PLEKHG2: variants seen among roughly 807,000 people sequenced by gnomAD.
PLEKHG2 encodes the protein pleckstrin homology and RhoGEF domain containing G2, also known as pleckstrin homology domain-containing family G member 2.
Under a neutral mutation model 104.4 loss-of-function variants are expected in PLEKHG2, and 71 were observed. The observed-to-expected ratio is 0.68, with a 90% confidence interval of 0.56 to 0.83. The LOEUF is 0.83. PLEKHG2 is among the 40% of genes least tolerant of loss of function. The probability of loss-of-function intolerance (pLI) is 0.00; values close to 1 mark genes in which losing one functional copy is unlikely to be tolerated. For missense variants in PLEKHG2, 1,730 were observed against 1,809.4 expected (o/e 0.96, Z 0.80); for synonymous variants, 728 against 737.0 (o/e 0.99, Z 0.20).
In PLEKHG2 at chr19:39,417,889, G is replaced by T; in HGVS notation, c.883-16G>T. The T allele has an allele frequency of 6.5e-7, 1 of 1,533,936 alleles. No individual in the cohort carries two copies. On this transcript the variant is annotated splice_polypyrimidine_tract_variant and intron_variant, in intron 8 of 18. Coordinates refer to ENST00000425673, the MANE Select transcript of PLEKHG2 (RefSeq NM_022835.3). ...CTTGTCTCTGCGCCCCGGCGCACCTGGCGGGGTCCCGGCAGGAAGTGCAGC... is the reference window on the plus strand; with the variant it reads ...CTTGTCTCTGCGCCCCGGCGCACCTTGCGGGGTCCCGGCAGGAAGTGCAGC...
At position 39,423,995 on chromosome 19, in the gene PLEKHG2, T is replaced by G; in HGVS notation, c.2862T>G (p.Pro954=). ...ATGTCCAGGCTCCAGCCGCCACACC[T>G]TTGCCCAAGCAAGAAGGCCCCCTGC... is the stretch of plus-strand genomic sequence containing the variant. ...SRHVQAPAAT[P]LPKQEGPLHL... The change falls in exon 19 of 19, where the codon CCT becomes CCG. Residue 954 remains proline (P), a synonymous_variant. Transcript: ENST00000425673. 2 of 1,614,098 alleles carry G rather than the reference T, an allele frequency of 1.2e-6. No individual in the cohort carries two copies. The highest frequency in any genetic ancestry group is 1.1e-5 in the South Asian group (1 of 91,082).
At chr19:39,421,391 A>G (rs1284324309) in intron 16 of PLEKHG2, 92 bp downstream of exon 16, 6 of 1,389,098 alleles carry the variant, frequency 4.3e-6, no homozygotes, top group Non-Finnish European at 6.1e-6. Flanking sequence ...GGTCTGAATG[A>G]GAAGGGGATT....
rs1038603193 is a variant in PLEKHG2, at chr19:39,418,178, C to T, written c.1083+73C>T. The T allele has an allele frequency of 7.3e-5, 94 of 1,283,264 alleles. 1 individual carries two copies. Among genetic ancestry groups the T allele is most frequent in the Middle Eastern group, 2.8e-4 (1 of 3,562 alleles). 79.5% of individuals were successfully genotyped at this position (1,283,264 alleles called of 1,614,324 possible). ...TCCCATATACCTGTATCTGTGTGCC[C>T]GGCAGTGTGGGCCAGGGGACCCTGC... On this transcript the variant is annotated intron_variant, in intron 9 of 18. Coordinates refer to ENST00000425673, the MANE Select transcript of PLEKHG2 (RefSeq NM_022835.3).
chr19:39,419,667 G>A lies in PLEKHG2; in HGVS notation c.1263+664G>A, dbSNP rs113072009. 1.0e-2 allele frequency among the ~76,000 whole-genome samples: 1,512 copies of A among 151,534 alleles called. 21 individuals carry two copies. The highest frequency in any genetic ancestry group is 0.035 in the African/African-American group (1,450 of 41,338). On this transcript the variant is annotated intron_variant, in intron 11 of 18. Transcript: ENST00000425673. ...CCGAGGCGGGCGGATCACGAGGTCC[G>A]GAGATCGAGACCATCCTGGCTAACA...
chr19:39,421,277 C>T lies in PLEKHG2; in HGVS notation c.1487-6C>T. ...GCTTCTCTCTCTCTCATCTCTCCATCCTTAGCTAAGCCTGGATTCAAGGTA... is the reference window on the plus strand; with the variant it reads ...GCTTCTCTCTCTCTCATCTCTCCATTCTTAGCTAAGCCTGGATTCAAGGTA... On this transcript the variant is annotated splice_region_variant and splice_polypyrimidine_tract_variant and intron_variant, in intron 15 of 18. Coordinates refer to ENST00000425673, the MANE Select transcript of PLEKHG2 (RefSeq NM_022835.3). 6.2e-7 allele frequency: 1 copy of T among 1,613,820 alleles called. No individual in the cohort carries two copies. The highest frequency in any genetic ancestry group is 8.5e-7 in the Non-Finnish European group (1 of 1,179,772).
rs756412143 is a variant in PLEKHG2, at chr19:39,420,637, TCTC to T, written c.1278_1280del (p.Leu427del). Reference sequence around the variant, plus strand: ...CTCCTGTCTTTCAGGCAAAGCAAGTTCTCCTTGAAAACAGCCTGCATTGTGAGT... The same window carrying T: ...CTCCTGTCTTTCAGGCAAAGCAAGTTCTTGAAAACAGCCTGCATTGTGAGT... On this transcript the variant is annotated inframe_deletion, in exon 12 of 19. Transcript: ENST00000425673. 6.2e-7 allele frequency: 1 copy of T among 1,614,012 alleles called. No individual in the cohort carries two copies. The highest frequency in any genetic ancestry group is 8.5e-7 in the Non-Finnish European group (1 of 1,179,994).
In PLEKHG2 at chr19:39,423,454, C is replaced by T. The variant is rs201310352; in HGVS notation, c.2400C>T (p.Ser800=). The change falls in exon 18 of 19, where the codon AGC becomes AGT. Residue 800 remains serine (S), a synonymous_variant. Transcript: ENST00000425673. ...AGGATTCGGATCTGGGTGGAGACAG[C>T]GGGAGCGGGAAGGCAGGAGCCCCGA... The part of the protein sequence containing the change: ...ILEDSDLGGD[S]GSGKAGAPSS... 1.1e-4 allele frequency: 176 copies of T among 1,604,386 alleles called. No individual in the cohort carries two copies. Among genetic ancestry groups the T allele is most frequent in the Middle Eastern group, 1.7e-4 (1 of 6,028 alleles).
chr19:39,423,027 G>T lies in PLEKHG2; in HGVS notation c.1973G>T (p.Ser658Ile). ...ATTCCCGAAGGTTCTCGCCTTCCTA[G>T]TCTCTCTGACATTTCCGATGTTTTT... ...CEIPEGSRLP[S>I]LSDISDVFEM... The change falls in exon 18 of 19, where the codon AGT (serine) becomes ATT (isoleucine). Residue 658 changes from serine (S) to isoleucine (I), a missense_variant. Physicochemically the swap from Ser to Ile is moderately radical, Grantham distance 142 (BLOSUM62 -2). Transcript: ENST00000425673. The T allele has an allele frequency of 1.2e-6, 2 of 1,614,100 alleles. No homozygotes were observed. The highest frequency in any genetic ancestry group is 1.7e-6 in the Non-Finnish European group (2 of 1,180,012).
intron 2 of PLEKHG2, 92 bp from the exon 3 acceptor site, chr19:39,414,900 G>A (rs2078575846): frequency 7.2e-7 from 1 of 1,398,456 alleles, no homozygotes; most frequent in Non-Finnish European, 9.6e-7. Flanking sequence ...TGTTGGACAG[G>A]TGTGGGTGAG....
Position 39,423,717 on chromosome 19 carries a change from C to T in PLEKHG2, c.2600-16C>T. On this transcript the variant is annotated splice_polypyrimidine_tract_variant and intron_variant, in intron 18 of 18. Coordinates refer to ENST00000425673, the MANE Select transcript of PLEKHG2 (RefSeq NM_022835.3). ...CTGGAGTAGTGGTCCTGACTCGATC[C>T]TCTTTTCGCATTCAGGGCTCCTGCC... The T allele has an allele frequency of 6.2e-7, 1 of 1,600,476 alleles. No homozygotes were observed. The highest frequency in any genetic ancestry group is 8.5e-7 in the Non-Finnish European group (1 of 1,171,774).
Position 39,425,083 on chromosome 19 carries a change from C to A in PLEKHG2, c.3950C>A (p.Ser1317Tyr), listed in dbSNP as rs71356853. Residue 1317 changes from serine to tyrosine, a missense_variant, in exon 19 of 19, where the codon TCT (serine) becomes TAT (tyrosine). Coordinates refer to ENST00000425673, the MANE Select transcript of PLEKHG2 (RefSeq NM_022835.3). ...TCCTCTGCTCCCACGTCACGGGCAT[C>A]TTCGCCGCCCCCCCAGCCCCAGCCA... is the stretch of plus-strand genomic sequence containing the variant. ...SWSSAPTSRA[S>Y]SPPPQPQPPP... 4 of 1,590,132 alleles carry A rather than the reference C, an allele frequency of 2.5e-6. No individual in the cohort carries two copies. Among genetic ancestry groups the A allele is most frequent in the Admixed American group, 1.8e-5 (1 of 56,640 alleles).
At position 39,425,198 on chromosome 19, in the gene PLEKHG2, G is replaced by A. The variant is rs2078766680; in HGVS notation, c.4065G>A (p.Gln1355=). The change falls in exon 19 of 19, where the codon CAG becomes CAA. Residue 1355 remains glutamine (Q), a synonymous_variant. Coordinates refer to ENST00000425673, the MANE Select transcript of PLEKHG2 (RefSeq NM_022835.3). Reference sequence around the variant, plus strand: ...GGCGGCTGCGGCCAGCCAAGGCCCAGGTCCGGTTGAACCACCCTGCTCTCT... The same window carrying A: ...GGCGGCTGCGGCCAGCCAAGGCCCAAGTCCGGTTGAACCACCCTGCTCTCT... The part of the protein sequence containing the change: ...GGGRLRPAKA[Q]VRLNHPALLA... 8 of 1,612,200 alleles carry A rather than the reference G, an allele frequency of 5.0e-6. No individual in the cohort carries two copies. Among genetic ancestry groups the A allele is most frequent in the Non-Finnish European group, 6.8e-6 (8 of 1,179,652 alleles).
At position 39,418,898 on chromosome 19, in the gene PLEKHG2, T is replaced by C. The variant is rs751141840; in HGVS notation, c.1177-19T>C. ...GACCTCACACCTGGCCCCCTGACTCTACTCCAACCCACTCCTAGGCCAAGA... is the reference window on the plus strand; with the variant it reads ...GACCTCACACCTGGCCCCCTGACTCCACTCCAACCCACTCCTAGGCCAAGA... On this transcript the variant is annotated intron_variant, in intron 10 of 18. Coordinates refer to ENST00000425673, the MANE Select transcript of PLEKHG2 (RefSeq NM_022835.3). 6.2e-7 allele frequency: 1 copy of C among 1,605,214 alleles called. No individual in the cohort carries two copies. Among genetic ancestry groups the C allele is most frequent in the Non-Finnish European group, 8.5e-7 (1 of 1,174,044 alleles).
At chr19:39,421,814 T>A (rs1224519219) in intron 16 of PLEKHG2, 1 of 245,480 alleles carries the variant, frequency 4.1e-6, no homozygotes, top group Non-Finnish European at 7.7e-6. Flanking sequence ...ATCAGGAATT[T>A]GAGACCAGGC....
chr19:39,422,728 A>G lies in PLEKHG2; in HGVS notation c.1678-4A>G, dbSNP rs756085962. 2 of 1,518,838 alleles carry G rather than the reference A, an allele frequency of 1.3e-6. No homozygotes were observed. Among genetic ancestry groups the G allele is most frequent in the Non-Finnish European group, 1.8e-6 (2 of 1,135,746 alleles). 94.1% of individuals were successfully genotyped at this position (1,518,838 alleles called of 1,614,324 possible). A position where few individuals can be genotyped will look rare whatever the true frequency, so the allele number is the denominator to read the frequency against. ...TTTGGCTTGTTCTCCTGTGCCCACTATAGCCGTCCACCCATGACATTCCCA... is the reference window on the plus strand; with the variant it reads ...TTTGGCTTGTTCTCCTGTGCCCACTGTAGCCGTCCACCCATGACATTCCCA... On this transcript the variant is annotated splice_region_variant and splice_polypyrimidine_tract_variant and intron_variant, in intron 17 of 18. Coordinates refer to ENST00000425673, the MANE Select transcript of PLEKHG2 (RefSeq NM_022835.3).
Position 39,417,482 on chromosome 19 carries a change from C to T in PLEKHG2, c.745-73C>T, listed in dbSNP as rs1393439664. On this transcript the variant is annotated intron_variant, in intron 7 of 18. Transcript: ENST00000425673. ...CCCCTATCTTTATATTTCTCCATCT[C>T]CTGTTATTCTCATTCTCTTTCTCCT... The T allele has an allele frequency of 3.2e-6, 5 of 1,556,030 alleles. No individual in the cohort carries two copies. In the African/African-American group the frequency reaches 6.8e-5, roughly 21 times the overall value.
At position 39,423,748 on chromosome 19, in the gene PLEKHG2, T is replaced by G. The variant is rs1200930088; in HGVS notation, c.2615T>G (p.Phe872Cys). Residue 872 changes from phenylalanine to cysteine, a missense_variant, in exon 19 of 19, where the codon TTT (phenylalanine) becomes TGT (cysteine). By Grantham distance (205) the Phe-to-Cys change is radical (BLOSUM62 -2). Coordinates refer to ENST00000425673, the MANE Select transcript of PLEKHG2 (RefSeq NM_022835.3). ...EQAEPGLLPA[F>C]GHVLVCELAF... Reference sequence around the variant, plus strand: ...TCGCATTCAGGGCTCCTGCCTGCCTTTGGACACGTGCTGGTATGTGAGCTG... The same window carrying G: ...TCGCATTCAGGGCTCCTGCCTGCCTGTGGACACGTGCTGGTATGTGAGCTG... 2 of 1,611,414 alleles carry G rather than the reference T, an allele frequency of 1.2e-6. No homozygotes were observed. Among genetic ancestry groups the G allele is most frequent in the Non-Finnish European group, 1.7e-6 (2 of 1,178,168 alleles).
chr19:39,417,452 C>A, intron 7 of PLEKHG2, 103 bp from the exon 8 acceptor site: 1 of 1,438,918 alleles, frequency 6.9e-7, no homozygotes, highest in Non-Finnish European at 9.3e-7. Flanking sequence ...TGCGCCTGGC[C>A]TCTGCCCCTA....
At chr19:39,419,094 C>A in intron 11 of PLEKHG2, 91 bp downstream of exon 11, 1 of 1,208,332 alleles carries the variant, frequency 8.3e-7, no homozygotes, top group East Asian at 2.4e-5. Context: ...AATGCCAGAG[C>A]AGTCTGTTAT....
Sources: allele counts gnomAD v4.1 joint callset (sites outside exome capture counted in the v4.1 genomes callset), GRCh38; gene constraint gnomAD v4.1.1; transcripts MANE v1.5; gene names NCBI Gene and HGNC (gene_info 2026-07-23, HGNC 2026-07-21).